ITPR2: variants seen among roughly 807,000 people sequenced by gnomAD.
ITPR2 encodes the protein inositol 1,4,5-trisphosphate-gated calcium channel ITPR2.
ITPR2 carries 207 observed loss-of-function variants against 317.1 expected under a neutral mutation model. The ratio of observed to expected loss-of-function variants is 0.65; its 90% confidence interval spans 0.58 to 0.73. ITPR2 has a LOEUF of 0.73. ITPR2 is among the 30% of genes least tolerant of loss of function. The pLI is 0.00. For missense variants in ITPR2, 2,613 were observed against 3,284.0 expected, an observed-to-expected ratio of 0.80 and a Z score of 4.99; for synonymous variants, 1,156 against 1,149.1, an observed-to-expected ratio of 1.01 and a Z score of -0.12.
chr12:26,481,327 C>T (rs1196393668), intron 42 of ITPR2, 86 bp from the exon 43 acceptor site: 2 of 762,944 alleles, frequency 2.6e-6, no homozygotes, highest in Non-Finnish European at 4.3e-6. Flanking sequence ...ACATAATCAC[C>T]TTAATTTTTG....
intron 51 of ITPR2, among the ~76,000 whole-genome samples, chr12:26,413,202 C>G (rs1940607413): frequency 1.3e-5 from 2 of 152,210 alleles, no homozygotes; most frequent in Non-Finnish European, 2.9e-5. Context: ...ATCTATCAAC[C>G]CAGATTCCTC....
intron 45 of ITPR2, 34 bp from the exon 46 acceptor site, chr12:26,443,684 TC>T (rs777423749): frequency 2.0e-5 from 32 of 1,561,126 alleles, no homozygotes; most frequent in African/African-American, 2.7e-5. Flanking sequence ...TTTTAGGTCT[TC>T]TTTTCCCCTT....
chr12:26,347,535 CAT>C (rs1308045909), intron 55 of ITPR2, among the ~76,000 whole-genome samples: 4 of 152,170 alleles, frequency 2.6e-5, no homozygotes, highest in Admixed American at 1.3e-4. Context: ...TGCCCAAGGT[CAT>C]ATAGGTGGTG....
At chr12:26,771,168 T>C (rs1434279600) in intron 2 of ITPR2, among the ~76,000 whole-genome samples, 2 of 152,228 alleles carry the variant, frequency 1.3e-5, no homozygotes, top group Non-Finnish European at 2.9e-5. Flanking sequence ...CCAGACGTTA[T>C]ATAAAAAGAC....
chr12:26,507,859 G>C (rs12816901), intron 37 of ITPR2, among the ~76,000 whole-genome samples: 16,086 of 95,696 alleles, frequency 0.17, 1,178 homozygotes, highest in South Asian at 0.27. Flanking sequence ...TTCTCTCTCT[G>C]TCTCTGTGTG....
At chr12:26,381,599 G>A (rs534914653) in intron 55 of ITPR2, among the ~76,000 whole-genome samples, 9 of 152,244 alleles carry the variant, frequency 5.9e-5, no homozygotes, top group East Asian at 3.9e-4. Flanking sequence ...TTTTAGTTAC[G>A]ACAGACAATT....
At chr12:26,377,832 T>C (rs984705289) in intron 55 of ITPR2, among the ~76,000 whole-genome samples, 2 of 152,218 alleles carry the variant, frequency 1.3e-5, no homozygotes, top group Admixed American at 6.5e-5. Context: ...ATCATATCCT[T>C]AATTCGTTTC....
intron 55 of ITPR2, among the ~76,000 whole-genome samples, chr12:26,349,448 T>C (rs992342560): frequency 3.9e-5 from 6 of 152,166 alleles, no homozygotes; most frequent in Non-Finnish European, 7.3e-5. Flanking sequence ...AATGTGTTAG[T>C]TACACAAAGC....
chr12:26,683,405 A>C (rs1948071961), intron 11 of ITPR2, among the ~76,000 whole-genome samples: 1 of 152,188 alleles, frequency 6.6e-6, no homozygotes, highest in Non-Finnish European at 1.5e-5. Flanking sequence ...TTTCACAATA[A>C]GATGGCCCCC....
At chr12:26,393,500 T>C (rs1939908493) in intron 54 of ITPR2, among the ~76,000 whole-genome samples, 1 of 152,234 alleles carries the variant, frequency 6.6e-6, no homozygotes, top group Non-Finnish European at 1.5e-5. Flanking sequence ...ATGTATACCT[T>C]TCTGTTACTG....
At chr12:26,588,509 A>G (rs1187765716) in intron 32 of ITPR2, among the ~76,000 whole-genome samples, 1 of 152,242 alleles carries the variant, frequency 6.6e-6, no homozygotes, top group African/African-American at 2.4e-5. Context: ...ATTCAACTTA[A>G]GAAATTCAAG....
At chr12:26,769,796 G>T (rs1338958211) in intron 2 of ITPR2, among the ~76,000 whole-genome samples, 3 of 152,086 alleles carry the variant, frequency 2.0e-5, no homozygotes, top group Non-Finnish European at 2.9e-5. Context: ...AGACCGGATG[G>T]GGGGAGTGGC....
intron 21 of ITPR2, among the ~76,000 whole-genome samples, chr12:26,636,391 G>A (rs920120409): frequency 2.6e-5 from 4 of 152,166 alleles, no homozygotes; most frequent in Non-Finnish European, 5.9e-5. Context: ...GTTCCATGAG[G>A]ACAGGGAGTC....
At chr12:26,490,226 C>T (rs942865307) in intron 39 of ITPR2, among the ~76,000 whole-genome samples, 3 of 152,012 alleles carry the variant, frequency 2.0e-5, no homozygotes, top group Admixed American at 6.5e-5. Flanking sequence ...CAAATTACAA[C>T]CAAACAAAGT....
intron 55 of ITPR2, among the ~76,000 whole-genome samples, chr12:26,342,914 TCA>T (rs1246102194): frequency 6.6e-6 from 1 of 151,978 alleles, no homozygotes; most frequent in Non-Finnish European, 1.5e-5. Context: ...CGGTGAGTTC[TCA>T]CTCTTAGGAG....
chr12:26,577,631 T>C (rs1945305776), intron 34 of ITPR2, among the ~76,000 whole-genome samples: 1 of 152,208 alleles, frequency 6.6e-6, no homozygotes, highest in Non-Finnish European at 1.5e-5. Context: ...TCAACTGTAT[T>C]ATTAGTCTAT....
intron 1 of ITPR2, among the ~76,000 whole-genome samples, chr12:26,814,107 A>C (rs1220273727): frequency 6.6e-6 from 1 of 152,182 alleles, no homozygotes; most frequent in Non-Finnish European, 1.5e-5. Context: ...TCTGGAGTTT[A>C]GGGGAATGAG....
In ITPR2 at chr12:26,687,376, T is replaced by C. The variant is rs558617111; in HGVS notation, c.997-744A>G. ...AAGCTTGGTAGTTAGTAGATAAAAA[T>C]AGTGACTTACACATATTTATTAAAA... On this transcript the variant is annotated intron_variant, in intron 10 of 56. Coordinates refer to ENST00000381340, the MANE Select transcript of ITPR2 (RefSeq NM_002223.4). Among the ~76,000 whole-genome samples, 24 of 152,224 alleles carry C rather than the reference T, an allele frequency of 1.6e-4. No homozygotes were observed. The South Asian group carries it at 4.6e-3, about 29-fold the overall frequency.
At chr12:26,720,020 G>A (rs976601182) in intron 5 of ITPR2, among the ~76,000 whole-genome samples, 6 of 152,118 alleles carry the variant, frequency 3.9e-5, no homozygotes, top group Admixed American at 2.0e-4. Flanking sequence ...AAATATTTAT[G>A]TTCTCTGCTC....
Sources: gnomAD v4.1 joint callset for allele counts (sites outside exome capture counted in the v4.1 genomes callset) on GRCh38, gnomAD v4.1.1 for gene constraint, MANE v1.5 for transcripts, NCBI Gene and HGNC (gene_info 2026-07-23, HGNC 2026-07-21) for gene names.